PDIK1L: variants seen among roughly 807,000 people sequenced by gnomAD.
PDIK1L encodes the protein serine/threonine-protein kinase PDIK1L.
In PDIK1L, 9 loss-of-function variants were observed where a neutral mutation model predicts 27.1. The ratio of observed to expected loss-of-function variants is 0.33; its 90% CI spans 0.20 to 0.58. The LOEUF (loss-of-function observed/expected upper bound fraction) is 0.58, where lower values mean the gene tolerates loss of function less well. Ranked by LOEUF, PDIK1L falls within the 20% of genes least tolerant of loss-of-function variation. The pLI is 0.86. For missense variants in PDIK1L, 216 were observed against 413.2 expected (o/e 0.52, Z 4.14); for synonymous variants, 130 against 141.7 (o/e 0.92, Z 0.59).
Position 26,122,306 on chromosome 1 carries a change from A to G in PDIK1L, c.755A>G (p.Glu252Gly). Residue 252 changes from glutamate (E) to glycine (G), a missense_variant, in exon 3 of 3, where the codon GAA becomes GGA. Glu to Gly is a moderately conservative substitution (Grantham distance 98). Around this residue, in one of 2 missense-constraint regions of PDIK1L, gnomAD observed 169 missense variants for 366.0 expected, o/e 0.46. Transcript: ENST00000374269. The surrounding 1 kb of genome is among the most constrained non-coding windows in gnomAD (Gnocchi z 5.4). ...ALGIIIWAML[E>G]RITFIDTETK... is the part of the protein sequence containing the mutation. Reference sequence around the variant, plus strand: ...GGGATTATCATCTGGGCAATGCTGGAAAGGATCACATTCATAGACACAGAG... The same window carrying G: ...GGGATTATCATCTGGGCAATGCTGGGAAGGATCACATTCATAGACACAGAG... 1 of 1,614,196 alleles carries G rather than the reference A, an allele frequency of 6.2e-7. No individual in the cohort carries two copies. The highest frequency in any genetic ancestry group is 1.3e-5 in the African/African-American group (1 of 75,064).
At chr1:26,116,459 G>A (rs972338981) in intron 2 of PDIK1L, among the ~76,000 whole-genome samples, 2 of 152,154 alleles carry the variant, frequency 1.3e-5, no homozygotes, top group African/African-American at 4.8e-5. Context: ...AGGTTGCAGT[G>A]AACTGACATC....
At chr1:26,113,241 G>A (rs1447091560) in intron 1 of PDIK1L, among the ~76,000 whole-genome samples, 2 of 152,162 alleles carry the variant, frequency 1.3e-5, no homozygotes, top group Non-Finnish European at 2.9e-5. Context: ...CGTAATCCCA[G>A]CACTTTGGGA....
rs1477548200 is a variant in PDIK1L at position 26,122,725 on chromosome 1, C to G, written c.*148C>G. The G allele has an allele frequency of 9.8e-7, 1 of 1,020,460 alleles. No homozygotes were observed. Among genetic ancestry groups the G allele is most frequent in the Non-Finnish European group, 1.3e-6 (1 of 759,288 alleles). 63.2% of individuals were successfully genotyped at this position (1,020,460 alleles called of 1,614,324 possible). A position where few individuals can be genotyped will look rare whatever the true frequency, so the allele number is the denominator to read the frequency against. Reference sequence around the variant, plus strand: ...TGGGATTTTTTTTTTCCTCATTTTTCTTAAATCCAAGTTGGCCGTTTTATT... The same window carrying G: ...TGGGATTTTTTTTTTCCTCATTTTTGTTAAATCCAAGTTGGCCGTTTTATT... On this transcript the variant is annotated 3_prime_UTR_variant, in exon 3 of 3. Coordinates refer to ENST00000374269, the MANE Select transcript of PDIK1L (RefSeq NM_152835.5). The surrounding 1 kb of genome is among the most constrained non-coding windows in gnomAD (Gnocchi z 5.4).
At chr1:26,112,735 C>T (rs2783637) in intron 1 of PDIK1L, 39,854 of 152,228 alleles carry the variant, frequency 0.26, 7,175 homozygotes, top group African/African-American at 0.51. Context: ...AGACTTAAAG[C>T]AGTGGATCCC....
chr1:26,116,700 CT>C (rs2087882475), intron 2 of PDIK1L, among the ~76,000 whole-genome samples: 1 of 152,062 alleles, frequency 6.6e-6, no homozygotes, highest in Admixed American at 6.6e-5. Flanking sequence ...ACTCTGTGCC[CT>C]GAAGTTTTTT....
chr1:26,114,405 C>T lies in PDIK1L; in HGVS notation c.97C>T (p.Arg33Trp), dbSNP rs769075817. The T allele has an allele frequency of 4.3e-6, 7 of 1,613,902 alleles. No individual in the cohort carries two copies. Among genetic ancestry groups the T allele is most frequent in the Admixed American group, 1.7e-5 (1 of 59,958 alleles). ...YEAVIRKTSA[R>W]VAVKKIRCHA... ...AGCAGTCATCAGAAAGACCTCTGCACGGGTGGCAGTGAAGAAAATTCGATG... is the reference window on the plus strand; with the variant it reads ...AGCAGTCATCAGAAAGACCTCTGCATGGGTGGCAGTGAAGAAAATTCGATG... The change falls in exon 2 of 3, where the codon CGG (arginine) becomes TGG (tryptophan). Residue 33 changes from arginine to tryptophan, a missense_variant. By Grantham distance (101) the Arg-to-Trp change is moderately radical (BLOSUM62 -3). This residue lies in a region of PDIK1L where 47 missense variants were observed against 47.2 expected (regional missense o/e 1.00). Transcript: ENST00000374269. The surrounding 1 kb of genome is among the most constrained non-coding windows in gnomAD (Gnocchi z 4.8).
At chr1:26,121,478 T>C (rs1433144482) in intron 2 of PDIK1L, among the ~76,000 whole-genome samples, 3 of 152,238 alleles carry the variant, frequency 2.0e-5, no homozygotes, top group Non-Finnish European at 4.4e-5. Context: ...GGCAATTTCC[T>C]AGGTCTATCT....
chr1:26,117,247 G>C (rs2087894730), intron 2 of PDIK1L, among the ~76,000 whole-genome samples: 1 of 151,368 alleles, frequency 6.6e-6, no homozygotes. Flanking sequence ...GGCTAGGCTG[G>C]TCTCGAACTC....
chr1:26,121,711 A>T (rs1264482467), intron 2 of PDIK1L, 126 bp from the exon 3 acceptor site: 2 of 1,014,942 alleles, frequency 2.0e-6, no homozygotes, highest in Non-Finnish European at 2.7e-6. Context: ...GCACTGATTA[A>T]ATAAAATATT....
At chr1:26,119,081 C>T (rs752305355) in intron 2 of PDIK1L, among the ~76,000 whole-genome samples, 9 of 152,312 alleles carry the variant, frequency 5.9e-5, no homozygotes, top group Admixed American at 3.9e-4. Context: ...ATGCATACAA[C>T]AGGGAAACCT....
At chr1:26,121,733 C>A in intron 2 of PDIK1L, 104 bp from the exon 3 acceptor site, 2 of 1,166,178 alleles carry the variant, frequency 1.7e-6, no homozygotes, top group Non-Finnish European at 2.4e-6. Flanking sequence ...ATAGAGTTTC[C>A]ACTTAAAGGT....
intron 1 of PDIK1L, 92 bp downstream of exon 1, chr1:26,112,007 G>C (rs61776585): frequency 0.17 from 25,186 of 152,210 alleles, 2,267 homozygotes; most frequent in Middle Eastern, 0.23. Flanking sequence ...TGTCACAGAC[G>C]TGTCAGCGGA....
rs754372430 is a variant in PDIK1L, at chr1:26,123,639, C to T, written c.*1062C>T. 1.2e-4 allele frequency: 19 copies of T among 152,706 alleles called. No individual in the cohort carries two copies. The highest frequency in any genetic ancestry group is 7.2e-4 in the Admixed American group (11 of 15,284). 9.5% of individuals were successfully genotyped at this position (152,706 alleles called of 1,614,324 possible). On this transcript the variant is annotated 3_prime_UTR_variant, in exon 3 of 3. Transcript: ENST00000374269. ...CTTGTTGAGTCACTGGAGTTCCTTT[C>T]ATTTTGGCACTGATGCTGTTTTCTC...
At chr1:26,112,239 C>A (rs1022568557) in intron 1 of PDIK1L, among the ~76,000 whole-genome samples, 2 of 152,220 alleles carry the variant, frequency 1.3e-5, no homozygotes, top group African/African-American at 4.8e-5. Context: ...CCAATGAGCG[C>A]GGCCTGAGCC....
At position 26,114,612 on chromosome 1, in the gene PDIK1L, G is replaced by A; in HGVS notation, c.285+19G>A. 1.2e-6 allele frequency: 2 copies of A among 1,603,808 alleles called. No homozygotes were observed. The highest frequency in any genetic ancestry group is 1.7e-6 in the Non-Finnish European group (2 of 1,171,866). On this transcript the variant is annotated intron_variant, in intron 2 of 2. Transcript: ENST00000374269. This position sits in a 1 kb window ranked among gnomAD's most constrained non-coding sequence, Gnocchi z 4.8. The stretch of plus-strand genomic sequence containing the variant: ...TTTACAGGTATGTGTTGTTGATTGG[G>A]AAATAGAAATGATTTGAACATGGCA...
intron 2 of PDIK1L, among the ~76,000 whole-genome samples, chr1:26,121,421 G>A (rs1421485764): frequency 1.3e-5 from 2 of 152,128 alleles, no homozygotes; most frequent in Admixed American, 6.5e-5. Context: ...TATATTTCAG[G>A]CGATTTCATT....
In PDIK1L at chr1:26,123,610, A is replaced by G. The variant is rs17257120; in HGVS notation, c.*1033A>G. On this transcript the variant is annotated 3_prime_UTR_variant, in exon 3 of 3. Transcript: ENST00000374269. ...CCCTCACTTTGCCTGCCCTGATATG[A>G]TCACTTGTTGAGTCACTGGAGTTCC... 25,244 of 152,602 alleles carry G rather than the reference A, an allele frequency of 0.17. 2,268 individuals are homozygous for G. The highest frequency in any genetic ancestry group is 0.23 in the Middle Eastern group (69 of 294). The allele number at this position is 152,602 out of a possible 1,614,324, so 9.5% of individuals were successfully genotyped here.
At position 26,114,467 on chromosome 1, in the gene PDIK1L, G is replaced by A; in HGVS notation, c.159G>A (p.Glu53=). Reference sequence around the variant, plus strand: ...AAAATGTTGAACTAGCCCTTCGTGAGTTCTGGGCACTAAGCAGTATCAAGA... The same window carrying A: ...AAAATGTTGAACTAGCCCTTCGTGAATTCTGGGCACTAAGCAGTATCAAGA... ...APENVELALR[E]FWALSSIKSQ... is the part of the protein sequence containing the mutation. The change falls in exon 2 of 3, where the codon GAG becomes GAA. Residue 53 remains glutamate, a synonymous_variant. Transcript: ENST00000374269. The surrounding 1 kb of genome is among the most constrained non-coding windows in gnomAD (Gnocchi z 4.8). The A allele has an allele frequency of 6.2e-7, 1 of 1,614,178 alleles. No individual in the cohort carries two copies. The highest frequency in any genetic ancestry group is 1.1e-5 in the South Asian group (1 of 91,084).
chr1:26,111,689 G>T (rs961697354), upstream of PDIK1L: 2 of 151,744 alleles, frequency 1.3e-5, no homozygotes. The surrounding 1 kb of genome is among the most constrained non-coding windows in gnomAD (Gnocchi z 4.0). Context: ...GGGAGGAGGC[G>T]AGCGGAGCGC....
Sources: allele counts gnomAD v4.1 joint callset (sites outside exome capture counted in the v4.1 genomes callset), GRCh38; gene constraint gnomAD v4.1.1; regional missense constraint gnomAD v4.1.1; non-coding constraint Gnocchi (gnomAD v3.1); transcripts MANE v1.5; gene names NCBI Gene and HGNC (gene_info 2026-07-23, HGNC 2026-07-21).